PIGN: variants seen among roughly 807,000 people sequenced by gnomAD.
The protein encoded by PIGN is GPI ethanolamine phosphate transferase 1.
A neutral mutation model predicts 125.4 loss-of-function variants in PIGN; 117 were observed. That is an observed-to-expected ratio of 0.93 (90% CI 0.80 to 1.09). The LOEUF (loss-of-function observed/expected upper bound fraction) is 1.09, where lower values mean the gene tolerates loss of function less well. Ranked by LOEUF, PIGN falls within the 50% of genes least tolerant of loss-of-function variation. The pLI is 0.00. For synonymous variants in PIGN, 392 were observed against 377.8 expected (o/e 1.04, Z -0.44); for missense variants, 1,075 against 1,094.9 (o/e 0.98, Z 0.26).
intron 2 of PIGN, among the ~76,000 whole-genome samples, chr18:62,163,063 A>G (rs1218282421): frequency 6.6e-6 from 1 of 152,168 alleles, no homozygotes; most frequent in African/African-American, 2.4e-5. Context: ...AAAGTTCTGA[A>G]AATTGACAGT....
chr18:62,075,433 CTT>C (rs2033121165), intron 28 of PIGN: 1 of 152,190 alleles, frequency 6.6e-6, no homozygotes, highest in African/African-American at 2.4e-5. Context: ...TTATATAACA[CTT>C]TGTTACCTTT....
chr18:62,164,416 A>C (rs1475340657), intron 1 of PIGN, among the ~76,000 whole-genome samples: 1 of 152,226 alleles, frequency 6.6e-6, no homozygotes, highest in Non-Finnish European at 1.5e-5. Flanking sequence ...AACAGGAAGC[A>C]TGACTGCGAG....
At chr18:62,019,838 C>T (rs1412745775) in intron 23 of PIGN, among the ~76,000 whole-genome samples, 5 of 152,236 alleles carry the variant, frequency 3.3e-5, no homozygotes, top group Non-Finnish European at 5.9e-5. Flanking sequence ...AGGCACAAGA[C>T]TGTGGTCCCT....
intron 5 of PIGN, 38 bp from the exon 6 acceptor site, chr18:62,157,265 A>G (rs1171703438): frequency 3.0e-6 from 3 of 1,006,750 alleles, no homozygotes; most frequent in Non-Finnish European, 4.6e-6. Context: ...TTATATACAC[A>G]TGGTACAATA....
Position 62,148,196 on chromosome 18 carries a change from A to C in PIGN, c.674+18T>G. 6.6e-7 allele frequency: 1 copy of C among 1,517,286 alleles called. No individual in the cohort carries two copies. Among genetic ancestry groups the C allele is most frequent in the Non-Finnish European group, 8.8e-7 (1 of 1,131,834 alleles). The allele number at this position is 1,517,286 out of a possible 1,614,324, so 94.0% of individuals were successfully genotyped here. On this transcript the variant is annotated intron_variant, in intron 8 of 30. Coordinates refer to ENST00000640252, the MANE Select transcript of PIGN (RefSeq NM_176787.5). ...GCTGTTGCCCTAAAAAATACAATTA[A>C]ACACAATATTAAATTACCTCGAGGA...
rs760286437 is a variant in PIGN, at chr18:62,139,123, G to T, written c.1024-48C>A. 21 of 1,153,918 alleles carry T rather than the reference G, an allele frequency of 1.8e-5. No individual in the cohort carries two copies. In the South Asian group the frequency reaches 2.8e-4, roughly 15 times the overall value. The allele number at this position is 1,153,918 out of a possible 1,614,324, so 71.5% of individuals were successfully genotyped here. A position where few individuals can be genotyped will look rare whatever the true frequency, so the allele number is the denominator to read the frequency against. The stretch of plus-strand genomic sequence containing the variant: ...TATTGATAGTATTCAGACAGCTCAG[G>T]CTATCCTTATAAAACAAAACAGACT... On this transcript the variant is annotated intron_variant, in intron 12 of 30. Coordinates refer to ENST00000640252, the MANE Select transcript of PIGN (RefSeq NM_176787.5).
At chr18:62,025,924 C>T (rs543733150) in intron 23 of PIGN, among the ~76,000 whole-genome samples, 62 of 152,296 alleles carry the variant, frequency 4.1e-4, no homozygotes, top group South Asian at 3.1e-3. Context: ...GCTACCCATG[C>T]GTCTGGTCCT....
In PIGN at chr18:62,145,985, A is replaced by C; in HGVS notation, c.846T>G (p.Pro282=). 1 of 1,606,702 alleles carries C rather than the reference A, an allele frequency of 6.2e-7. No individual in the cohort carries two copies. Among genetic ancestry groups the C allele is most frequent in the South Asian group, 1.1e-5 (1 of 89,440 alleles). Residue 282 remains proline, a synonymous_variant, in exon 10 of 31, where the codon CCT becomes CCG. Coordinates refer to ENST00000640252, the MANE Select transcript of PIGN (RefSeq NM_176787.5). ...TGATTCCAGCTCCCCAAGTGACTAA[A>C]GGAGTTAAAGTCTCTGAAGGATGAC... ...GAGHPSETLT[P]LVTWGAGIKY...
At chr18:62,182,147 A>C (rs1160889224) in intron 1 of PIGN, among the ~76,000 whole-genome samples, 1 of 152,152 alleles carries the variant, frequency 6.6e-6, no homozygotes, top group Non-Finnish European at 1.5e-5. Context: ...TTTTGGAGTT[A>C]CTCAAAACTT....
chr18:62,157,797 AT>A lies in PIGN; in HGVS notation c.232del (p.Met78CysfsTer22). ...SRAPFIRNII[M>X]HEGSWGISHT... ...AGATATGCCCCAGCTGCCTTCATGC[AT>A]TATGATATTCCTAAAAGATATTAAA... On this transcript the variant is annotated frameshift_variant, in exon 5 of 31. Coordinates refer to ENST00000640252, the MANE Select transcript of PIGN (RefSeq NM_176787.5). LOFTEE classifies it high-confidence loss of function. The A allele has an allele frequency of 6.2e-7, 1 of 1,610,808 alleles. No individual in the cohort carries two copies. The highest frequency in any genetic ancestry group is 8.5e-7 in the Non-Finnish European group (1 of 1,177,998).
intron 14 of PIGN, among the ~76,000 whole-genome samples, chr18:62,132,666 A>C (rs908384387): frequency 2.0e-5 from 3 of 152,042 alleles, no homozygotes; most frequent in African/African-American, 7.2e-5. Flanking sequence ...ACATAGGGAG[A>C]TCCCATCTCT....
chr18:62,120,634 TTA>T (rs1280803018), intron 14 of PIGN, among the ~76,000 whole-genome samples: 1 of 152,068 alleles, frequency 6.6e-6, no homozygotes, highest in Non-Finnish European at 1.5e-5. Flanking sequence ...TTAATTTAAT[TTA>T]TATTAAACTA....
At chr18:62,019,431 A>G (rs2030024842) in intron 23 of PIGN, among the ~76,000 whole-genome samples, 1 of 152,254 alleles carries the variant, frequency 6.6e-6, no homozygotes, top group South Asian at 2.1e-4. Context: ...TCACTTTGTG[A>G]ATCTGTGATT....
intron 26 of PIGN, 130 bp from the exon 27 acceptor site, chr18:62,084,736 T>C (rs1599480405): frequency 1.5e-6 from 1 of 684,188 alleles, no homozygotes; most frequent in South Asian, 1.8e-5. Context: ...CATCATATTA[T>C]GAAGCCACTA....
chr18:62,053,602 A>T (rs1339143607), intron 30 of PIGN, among the ~76,000 whole-genome samples: 2 of 152,194 alleles, frequency 1.3e-5, no homozygotes, highest in Non-Finnish European at 2.9e-5. Flanking sequence ...CATTTATTTT[A>T]AAAAAGCTGG....
intron 1 of PIGN, among the ~76,000 whole-genome samples, chr18:62,174,860 T>C (rs1126080): frequency 0.58 from 87,240 of 150,200 alleles, 26,152 homozygotes; most frequent in East Asian, 0.78. Flanking sequence ...ATCATGGCTA[T>C]GAGACAATGA....
At chr18:62,126,675 A>C (rs78188710) in intron 14 of PIGN, among the ~76,000 whole-genome samples, 10,181 of 152,138 alleles carry the variant, frequency 0.067, 637 homozygotes, top group African/African-American at 0.16. Context: ...GAGGGATTTC[A>C]CCCAGCCTCA....
Position 62,105,633 on chromosome 18 carries a change from A to G in PIGN, c.1769T>C (p.Met590Thr). The change falls in exon 20 of 31, where the codon ATG becomes ACG. Residue 590 changes from methionine to threonine, a missense_variant and splice_region_variant. Met to Thr is a moderately conservative substitution (Grantham distance 81, BLOSUM62 -1). Transcript: ENST00000640252. ...GAAGAAAGTCCAACTCAGTGAGGTC[A>G]TCTAAAATCAAGAAAAAAGTTATCT... ...FLTRLWTRAK[M>T]TSLSWTFFSL... is the part of the protein sequence containing the mutation. 2 of 1,529,942 alleles carry G rather than the reference A, an allele frequency of 1.3e-6. No individual in the cohort carries two copies. Among genetic ancestry groups the G allele is most frequent in the Non-Finnish European group, 1.8e-6 (2 of 1,135,448 alleles). The allele number at this position is 1,529,942 out of a possible 1,614,324, so 94.8% of individuals were successfully genotyped here. A position where few individuals can be genotyped will look rare whatever the true frequency, so the allele number is the denominator to read the frequency against.
rs562564808 is a variant in PIGN, at chr18:62,170,433, AG to A, written c.-235-6778del. On this transcript the variant is annotated intron_variant, in intron 1 of 30. Transcript: ENST00000640252. ...TTCAAACTTTTTCATTACTATTGTC[AG>A]TTATGTTGATCTACGATCAGTGATC... is the stretch of plus-strand genomic sequence containing the variant. 3.0e-4 allele frequency among the ~76,000 whole-genome samples: 45 copies of A among 152,204 alleles called. No individual in the cohort carries two copies. In the South Asian group the frequency reaches 5.4e-3, roughly 18 times the overall value.
Sources: allele counts gnomAD v4.1 joint callset (sites outside exome capture counted in the v4.1 genomes callset), GRCh38; gene constraint gnomAD v4.1.1; transcripts MANE v1.5; gene names NCBI Gene and HGNC (gene_info 2026-07-23, HGNC 2026-07-21).